Variants in CCDC91 observed in about 807,000 individuals in gnomAD.
CCDC91 encodes coiled-coil domain containing 91.
CCDC91 carries 48 observed loss-of-function variants against 63.2 expected under a neutral mutation model. The observed-to-expected ratio is 0.76, with a 90% CI of 0.60 to 0.97. The LOEUF is 0.97. Among genes scored for constraint, CCDC91 ranks in the 50% least tolerant of loss-of-function variants. The probability of loss-of-function intolerance (pLI) is 0.00; values close to 1 mark genes in which losing one functional copy is unlikely to be tolerated. For synonymous variants in CCDC91, 167 were observed against 165.8 expected (o/e 1.01, Z -0.06); for missense variants, 500 against 494.6 (o/e 1.01, Z -0.10).
chr12:28,337,982 C>A (rs1942115981), intron 6 of CCDC91, among the ~76,000 whole-genome samples: 1 of 152,062 alleles, frequency 6.6e-6, no homozygotes. Flanking sequence ...TGAGCACCAG[C>A]TCACCAGATA....
intron 12 of CCDC91, among the ~76,000 whole-genome samples, chr12:28,485,994 C>G (rs1412058840): frequency 6.6e-6 from 1 of 152,120 alleles, no homozygotes; most frequent in Non-Finnish European, 1.5e-5. Context: ...AGTAAGAACA[C>G]TTAACATGAG....
intron 12 of CCDC91, among the ~76,000 whole-genome samples, chr12:28,501,995 T>G (rs565706634): frequency 6.7e-4 from 102 of 152,124 alleles, no homozygotes; most frequent in Middle Eastern, 3.4e-3. Context: ...TATTTGCATA[T>G]AGTTGTTTGT....
intron 1 of CCDC91, among the ~76,000 whole-genome samples, chr12:28,203,111 A>C (rs1368198864): frequency 6.6e-6 from 1 of 152,112 alleles, no homozygotes; most frequent in Non-Finnish European, 1.5e-5. Context: ...GCTGGATTTT[A>C]TTGTGATTTT....
chr12:28,502,684 A>C (rs1351951734), intron 12 of CCDC91, among the ~76,000 whole-genome samples: 1 of 151,640 alleles, frequency 6.6e-6, no homozygotes, highest in Non-Finnish European at 1.5e-5. Context: ...TTCAAACTAT[A>C]CTACAAGGCT....
chr12:28,448,608 T>C (rs571121566), intron 8 of CCDC91, among the ~76,000 whole-genome samples: 2 of 152,286 alleles, frequency 1.3e-5, no homozygotes, highest in African/African-American at 4.8e-5. Context: ...AGCCCACTTA[T>C]AATGAATTAC....
intron 6 of CCDC91, among the ~76,000 whole-genome samples, chr12:28,324,695 ATAC>A (rs1225867625): frequency 6.6e-6 from 1 of 151,752 alleles, no homozygotes. Context: ...AATAATAATA[ATAC>A]TTCCTTTTTG....
chr12:28,528,985 A>G (rs1243046389), intron 12 of CCDC91, among the ~76,000 whole-genome samples: 3 of 152,094 alleles, frequency 2.0e-5, no homozygotes, highest in African/African-American at 4.8e-5. Flanking sequence ...CTATTGAAAT[A>G]TATTTTGCTA....
At chr12:28,392,298 G>A (rs1945995127) in intron 8 of CCDC91, among the ~76,000 whole-genome samples, 1 of 152,112 alleles carries the variant, frequency 6.6e-6, no homozygotes, top group African/African-American at 2.4e-5. Flanking sequence ...TAGCCGGAAT[G>A]GACTTGGTTG....
At chr12:28,353,624 A>G (rs1943328263) in intron 6 of CCDC91, among the ~76,000 whole-genome samples, 1 of 152,194 alleles carries the variant, frequency 6.6e-6, no homozygotes, top group Non-Finnish European at 1.5e-5. Flanking sequence ...AGAGAGGGGT[A>G]GATGGGGAAA....
At chr12:28,217,173 T>A (rs565061743) in intron 1 of CCDC91, among the ~76,000 whole-genome samples, 2 of 152,262 alleles carry the variant, frequency 1.3e-5, no homozygotes, top group East Asian at 3.9e-4. Flanking sequence ...GATGGTAGTA[T>A]TGTGGTACTG....
intron 6 of CCDC91, among the ~76,000 whole-genome samples, chr12:28,315,302 A>T (rs1939740583): frequency 6.6e-6 from 1 of 151,878 alleles, no homozygotes; most frequent in Non-Finnish European, 1.5e-5. Flanking sequence ...AGCAGCTGGA[A>T]TTACAGGCAT....
At chr12:28,283,464 C>T (rs554652098) in intron 3 of CCDC91, among the ~76,000 whole-genome samples, 1 of 151,798 alleles carries the variant, frequency 6.6e-6, no homozygotes, top group East Asian at 1.9e-4. Flanking sequence ...ATTTATTTTG[C>T]AGCTGTTGTA....
chr12:28,315,858 T>G (rs1939805440), intron 6 of CCDC91, among the ~76,000 whole-genome samples: 1 of 151,854 alleles, frequency 6.6e-6, no homozygotes, highest in African/African-American at 2.4e-5. Context: ...CCAAGGCCAA[T>G]GATAAATATA....
rs536311445 is a variant in CCDC91 at position 28,284,653 on chromosome 12, C to CAA, written c.110-20984_110-20983dup. ...GGGCAACAAGAGTGAAACTAGGTCTCAAAAAAAAAAAAAGAAAAAGAAATA... is the reference window on the plus strand; with the variant it reads ...GGGCAACAAGAGTGAAACTAGGTCTCAAAAAAAAAAAAAAAGAAAAAGAAATA... On this transcript the variant is annotated intron_variant, in intron 3 of 12. Transcript: ENST00000536442. Among the ~76,000 whole-genome samples the CAA allele has an allele frequency of 3.1e-3, 414 of 134,818 alleles. 1 individual carries two copies. The highest frequency in any genetic ancestry group is 4.2e-3 in the Non-Finnish European group (264 of 62,862). 88.4% of individuals were successfully genotyped at this position (134,818 alleles called of 152,430 possible). A position where few individuals can be genotyped will look rare whatever the true frequency, so the allele number is the denominator to read the frequency against.
chr12:28,277,352 A>G (rs1483127563), intron 3 of CCDC91, among the ~76,000 whole-genome samples: 1 of 152,002 alleles, frequency 6.6e-6, no homozygotes, highest in Admixed American at 6.6e-5. Context: ...TTGGTATGTC[A>G]GATGTTCTTT....
chr12:28,256,341 T>C (rs191715247), intron 1 of CCDC91, among the ~76,000 whole-genome samples: 94 of 152,146 alleles, frequency 6.2e-4, no homozygotes, highest in Admixed American at 6.0e-3. Flanking sequence ...TGAGAACTTA[T>C]TTTTCATTTT....
chr12:28,194,322 T>C (rs1941550362), intron 1 of CCDC91, among the ~76,000 whole-genome samples: 1 of 152,192 alleles, frequency 6.6e-6, no homozygotes, highest in Non-Finnish European at 1.5e-5. Flanking sequence ...AAAAAGACTA[T>C]TCTTACTGTG....
chr12:28,523,066 G>A (rs1420131821), intron 12 of CCDC91, among the ~76,000 whole-genome samples: 1 of 152,198 alleles, frequency 6.6e-6, no homozygotes, highest in Admixed American at 6.5e-5. Flanking sequence ...TTGGGGTGGA[G>A]AGTTCTGTAG....
chr12:28,420,514 G>A (rs1391757786), intron 8 of CCDC91, among the ~76,000 whole-genome samples: 1 of 152,126 alleles, frequency 6.6e-6, no homozygotes, highest in Non-Finnish European at 1.5e-5. Flanking sequence ...AGTGCTAGCT[G>A]ATTGACAGCA....
Sources: gnomAD v4.1 joint callset for allele counts (sites outside exome capture counted in the v4.1 genomes callset) on GRCh38, gnomAD v4.1.1 for gene constraint, MANE v1.5 for transcripts, NCBI Gene and HGNC (gene_info 2026-07-23, HGNC 2026-07-21) for gene names.